The following POGZ variants were observed in gnomAD, a reference collection of about 807,000 sequenced individuals.
The protein encoded by POGZ is pogo transposable element derived with ZNF domain.
A neutral mutation model predicts 134.6 loss-of-function variants in POGZ; 17 were observed. The ratio of observed to expected loss-of-function variants is 0.13; its 90% CI spans 0.09 to 0.19. The LOEUF (loss-of-function observed/expected upper bound fraction) is 0.19, where lower values mean the gene tolerates loss of function less well. POGZ is among the 10% of genes least tolerant of loss of function. The pLI is 1.00. For missense variants in POGZ, 1,306 were observed against 1,769.7 expected, an observed-to-expected ratio of 0.74 and a Z score of 4.70; for synonymous variants, 693 against 657.1, an observed-to-expected ratio of 1.05 and a Z score of -0.84.
At chr1:151,441,114 T>TG in intron 2 of POGZ, 28 bp from the exon 3 acceptor site, 1 of 1,600,810 alleles carries the variant, frequency 6.2e-7, no homozygotes, top group Non-Finnish European at 8.5e-7. Context: ...CATAGTCACT[T>TG]GGAGACAGGG....
intron 1 of POGZ, among the ~76,000 whole-genome samples, chr1:151,445,534 A>G (rs1419987204): frequency 4.0e-5 from 6 of 151,756 alleles, no homozygotes; most frequent in African/African-American, 9.7e-5. Flanking sequence ...AAAAAAAAAA[A>G]AAAAGAAAAA....
intron 3 of POGZ, among the ~76,000 whole-genome samples, chr1:151,435,954 TTTTC>T (rs1173481667): frequency 5.7e-5 from 5 of 87,556 alleles, no homozygotes; most frequent in Non-Finnish European, 9.1e-5. Flanking sequence ...GAACATTTTC[TTTTC>T]TTTTTTTTTT....
rs148189275 is a variant in POGZ, at chr1:151,428,286, C to T, written c.696G>A (p.Pro232=). 5.0e-5 allele frequency: 81 copies of T among 1,613,812 alleles called. No homozygotes were observed. The highest frequency in any genetic ancestry group is 6.2e-5 in the Non-Finnish European group (73 of 1,179,978). ...PTTNTFTTVI[P]ATLTIRSTVP... is the part of the protein sequence containing the mutation. Reference sequence around the variant, plus strand: ...CGGTGCTTCGAATGGTAAGAGTGGCCGGGATGACGGTGGTGAAGGTGTTGG... The same window carrying T: ...CGGTGCTTCGAATGGTAAGAGTGGCTGGGATGACGGTGGTGAAGGTGTTGG... The change falls in exon 6 of 19, where the codon CCG becomes CCA. Residue 232 remains proline (P), a synonymous_variant. Coordinates refer to ENST00000271715, the MANE Select transcript of POGZ (RefSeq NM_015100.4).
intron 3 of POGZ, among the ~76,000 whole-genome samples, chr1:151,431,870 A>G (rs1658753060): frequency 6.6e-6 from 1 of 152,124 alleles, no homozygotes; most frequent in Non-Finnish European, 1.5e-5. Context: ...AATATACCTA[A>G]GCCAAAGAGT....
At chr1:151,446,046 CTTTTT>C (rs573169016) in intron 1 of POGZ, among the ~76,000 whole-genome samples, 1 of 123,924 alleles carries the variant, frequency 8.1e-6, no homozygotes, top group Admixed American at 8.6e-5. Context: ...CGTCTTTCAA[CTTTTT>C]TTTTTTTTTT....
At chr1:151,414,642 C>T (rs1224535728) in intron 10 of POGZ, among the ~76,000 whole-genome samples, 2 of 152,098 alleles carry the variant, frequency 1.3e-5, no homozygotes, top group Non-Finnish European at 2.9e-5. Flanking sequence ...ATCAGCCGGG[C>T]ACAGTAATGC....
chr1:151,451,693 T>C (rs1273964277), intron 1 of POGZ, among the ~76,000 whole-genome samples: 1 of 151,924 alleles, frequency 6.6e-6, no homozygotes. Context: ...AAATTAAGTA[T>C]CACCACAAAG....
In POGZ at chr1:151,428,429, A is replaced by G; in HGVS notation, c.569-16T>C. ...GTACCTGGGGCTTTAAAAGAGAGACAAAGTACCAGATCTTGGTCAGTGAGC... is the reference window on the plus strand; with the variant it reads ...GTACCTGGGGCTTTAAAAGAGAGACGAAGTACCAGATCTTGGTCAGTGAGC... On this transcript the variant is annotated splice_polypyrimidine_tract_variant and intron_variant, in intron 5 of 18. Transcript: ENST00000271715. 6.2e-7 allele frequency: 1 copy of G among 1,610,918 alleles called. No homozygotes were observed. The highest frequency in any genetic ancestry group is 8.5e-7 in the Non-Finnish European group (1 of 1,177,324).
intron 1 of POGZ, among the ~76,000 whole-genome samples, chr1:151,448,122 G>A (rs946627991): frequency 3.3e-5 from 5 of 151,902 alleles, no homozygotes; most frequent in African/African-American, 7.3e-5. Flanking sequence ...TTGCTCTTAC[G>A]TCATCTGACA....
At chr1:151,409,279 A>T (rs1654230915) in intron 12 of POGZ, among the ~76,000 whole-genome samples, 1 of 152,156 alleles carries the variant, frequency 6.6e-6, no homozygotes, top group Non-Finnish European at 1.5e-5. Flanking sequence ...GTCCCCTTCC[A>T]TACAAACAAC....
intron 4 of POGZ, 148 bp downstream of exon 4, chr1:151,430,518 C>T (rs1658515086): frequency 1.7e-6 from 1 of 590,884 alleles, no homozygotes; most frequent in Non-Finnish European, 2.9e-6. Flanking sequence ...CAGTTGGCAT[C>T]AAATTACAGA....
At chr1:151,443,118 C>T (rs1307004788) in intron 1 of POGZ, among the ~76,000 whole-genome samples, 1 of 152,160 alleles carries the variant, frequency 6.6e-6, no homozygotes. Flanking sequence ...AGTGCAGGAT[C>T]GGATTCAGTC....
At chr1:151,446,931 T>C (rs1046655802) in intron 1 of POGZ, among the ~76,000 whole-genome samples, 3 of 152,128 alleles carry the variant, frequency 2.0e-5, no homozygotes, top group Non-Finnish European at 4.4e-5. Context: ...GTTAGACATG[T>C]ATTCGTCACT....
chr1:151,419,898 T>C (rs556102701), intron 10 of POGZ, among the ~76,000 whole-genome samples: 190 of 152,192 alleles, frequency 1.2e-3, no homozygotes, highest in Non-Finnish European at 2.4e-3. Flanking sequence ...GAAAAACTTA[T>C]CTTCCCTCTG....
At chr1:151,443,995 C>CTA (rs1158283400) in intron 1 of POGZ, among the ~76,000 whole-genome samples, 1 of 152,162 alleles carries the variant, frequency 6.6e-6, no homozygotes, top group Admixed American at 6.5e-5. Context: ...TTAGTTAGGG[C>CTA]TATACATCCT....
intron 18 of POGZ, 68 bp downstream of exon 18, chr1:151,406,533 GATAATA>G (rs541963643): frequency 3.2e-5 from 49 of 1,525,356 alleles, no homozygotes; most frequent in East Asian, 4.8e-5. Flanking sequence ...ACAATAATAT[GATAATA>G]ATAATAATAA....
At chr1:151,424,406 C>T (rs1657428218) in intron 8 of POGZ, 120 bp from the exon 9 acceptor site, 4 of 645,736 alleles carry the variant, frequency 6.2e-6, no homozygotes, top group Admixed American at 3.3e-5. Flanking sequence ...TCAGCTTTCA[C>T]CCTTCAGTTT....
intron 1 of POGZ, chr1:151,450,989 CAGG>C (rs1314870504): frequency 6.6e-6 from 1 of 151,282 alleles, no homozygotes; most frequent in Non-Finnish European, 1.5e-5. Flanking sequence ...CACTTGAGGT[CAGG>C]AGTTCAAAAC....
chr1:151,408,288 C>T (rs1326777634), intron 14 of POGZ, 48 bp from the exon 15 acceptor site: 9 of 1,597,444 alleles, frequency 5.6e-6, no homozygotes, highest in East Asian at 2.2e-5. Context: ...TCATGGGTCC[C>T]CAAAATGTAG....
Sources: allele counts gnomAD v4.1 joint callset (sites outside exome capture counted in the v4.1 genomes callset), GRCh38; gene constraint gnomAD v4.1.1; transcripts MANE v1.5; gene names NCBI Gene and HGNC (gene_info 2026-07-23, HGNC 2026-07-21).